The following ENTREP2 variants were observed in gnomAD, a reference collection of about 807,000 sequenced individuals.
ENTREP2 encodes the protein endosomal transmembrane epsin interactor 2.
the ENTREP2 span, among the ~76,000 whole-genome samples, chr15:29,518,242 T>C: frequency 1.1e-3 from 162 of 152,166 alleles, no homozygotes; most frequent in Non-Finnish European, 1.8e-3. Context: ...ACTACTCTCT[T>C]AGCATATTTC....
chr15:29,632,215 G>A, the ENTREP2 span, among the ~76,000 whole-genome samples: 1 of 151,890 alleles, frequency 6.6e-6, no homozygotes, highest in Admixed American at 6.6e-5. Flanking sequence ...TTGAGTTCTC[G>A]AACCAGGCTG....
the ENTREP2 span, among the ~76,000 whole-genome samples, chr15:29,612,128 C>CT: frequency 2.6e-5 from 4 of 152,210 alleles, no homozygotes; most frequent in African/African-American, 9.7e-5. Flanking sequence ...GGGCCTTTTG[C>CT]TTTGCATTGT....
At chr15:29,218,616 G>A in the ENTREP2 span, among the ~76,000 whole-genome samples, 1 of 152,050 alleles carries the variant, frequency 6.6e-6, no homozygotes. Flanking sequence ...ATAAAAATAG[G>A]CACACAGACC....
chr15:29,476,186 A>G, the ENTREP2 span, among the ~76,000 whole-genome samples: 1 of 152,206 alleles, frequency 6.6e-6, no homozygotes, highest in African/African-American at 2.4e-5. Flanking sequence ...ATCCCCCCAA[A>G]TAACAATGTT....
At chr15:29,196,549 C>T in the ENTREP2 span, 1 of 1,551,376 alleles carries the variant, frequency 6.4e-7, no homozygotes, top group Non-Finnish European at 8.7e-7. Context: ...CACACCTCCA[C>T]ACTGTCAAAC....
chr15:29,315,394 T>C, the ENTREP2 span, among the ~76,000 whole-genome samples: 3 of 152,096 alleles, frequency 2.0e-5, no homozygotes, highest in Non-Finnish European at 4.4e-5. Context: ...AACGGAAATA[T>C]CCAGAAACAA....
the ENTREP2 span, among the ~76,000 whole-genome samples, chr15:29,441,503 C>A: frequency 3.3e-5 from 5 of 152,218 alleles, no homozygotes; most frequent in African/African-American, 1.2e-4. Context: ...CAGCATTAAG[C>A]CCGCTGCTCC....
chr15:29,579,520 CT>C, the ENTREP2 span, among the ~76,000 whole-genome samples: 62,533 of 111,094 alleles, frequency 0.56, 15,786 homozygotes, highest in South Asian at 0.68. Flanking sequence ...TGGTTTCTTT[CT>C]TTTTTTTTTT....
chr15:29,526,107 T>G, the ENTREP2 span, among the ~76,000 whole-genome samples: 1 of 152,170 alleles, frequency 6.6e-6, no homozygotes, highest in Non-Finnish European at 1.5e-5. Flanking sequence ...AGTACAAGAA[T>G]TGATTGTGCA....
the ENTREP2 span, among the ~76,000 whole-genome samples, chr15:29,663,007 C>T: frequency 6.6e-6 from 1 of 152,040 alleles, no homozygotes; most frequent in African/African-American, 2.4e-5. Flanking sequence ...GCCACCGCGC[C>T]TGGCCAGGAC....
At chr15:29,414,688 C>CA in the ENTREP2 span, among the ~76,000 whole-genome samples, 1,815 of 152,122 alleles carry the variant, frequency 0.012, 34 homozygotes, top group African/African-American at 0.041. Context: ...AAAAACCCTT[C>CA]AAAAAATCAA....
chr15:29,141,748 C>T, the ENTREP2 span, among the ~76,000 whole-genome samples: 1 of 152,224 alleles, frequency 6.6e-6, no homozygotes, highest in Non-Finnish European at 1.5e-5. Flanking sequence ...GTAGAAACAG[C>T]AGGCTTGTTA....
At chr15:29,215,429 C>G in the ENTREP2 span, among the ~76,000 whole-genome samples, 1 of 152,048 alleles carries the variant, frequency 6.6e-6, no homozygotes, top group Admixed American at 6.6e-5. Context: ...CATCTTTCTC[C>G]CATGCTGGAT....
the ENTREP2 span, among the ~76,000 whole-genome samples, chr15:29,231,993 G>A: frequency 1.3e-5 from 2 of 150,914 alleles, no homozygotes; most frequent in East Asian, 2.0e-4. Context: ...AGGTTCAAGC[G>A]ATTCTCCCGC....
At chr15:29,258,174 C>T in the ENTREP2 span, among the ~76,000 whole-genome samples, 1 of 140,012 alleles carries the variant, frequency 7.1e-6, no homozygotes, top group African/African-American at 2.7e-5. Flanking sequence ...GATTGCACCA[C>T]TGCACTCTAG....
At chr15:29,296,922 G>A in the ENTREP2 span, among the ~76,000 whole-genome samples, 1 of 152,092 alleles carries the variant, frequency 6.6e-6, no homozygotes, top group Non-Finnish European at 1.5e-5. Context: ...TTATCATATA[G>A]CCTGTGAACT....
At chr15:29,588,688 A>C in the ENTREP2 span, among the ~76,000 whole-genome samples, 1 of 152,106 alleles carries the variant, frequency 6.6e-6, no homozygotes, top group African/African-American at 2.4e-5. Context: ...GACATAGTAC[A>C]AATTTTTAAT....
chr15:29,237,898 A>G, the ENTREP2 span, among the ~76,000 whole-genome samples: 1 of 152,196 alleles, frequency 6.6e-6, no homozygotes, highest in South Asian at 2.1e-4. Flanking sequence ...AAACTTGTAT[A>G]TAAATGTTTA....
the ENTREP2 span, among the ~76,000 whole-genome samples, chr15:29,407,738 G>A: frequency 9.2e-5 from 14 of 152,044 alleles, no homozygotes; most frequent in Non-Finnish European, 1.2e-4. Flanking sequence ...CTCGATCTCC[G>A]CTCACTGCAA....
Sources: gnomAD v4.1 joint callset for allele counts (sites outside exome capture counted in the v4.1 genomes callset) on GRCh38, gnomAD v4.1.1 for gene constraint, MANE v1.5 for transcripts, NCBI Gene and HGNC (gene_info 2026-07-23, HGNC 2026-07-21) for gene names.